FRMD5: variants seen among roughly 807,000 people sequenced by gnomAD.
FRMD5 encodes the protein FERM domain-containing protein 5.
Under a neutral mutation model 69.0 loss-of-function variants are expected in FRMD5, and 20 were observed. The observed-to-expected ratio is 0.29, with a 90% CI of 0.20 to 0.42. The LOEUF (loss-of-function observed/expected upper bound fraction) is 0.42. Among genes scored for constraint, FRMD5 ranks in the 10% least tolerant of loss-of-function variants. The probability of loss-of-function intolerance (pLI) is 1.00; values close to 1 mark genes in which losing one functional copy is unlikely to be tolerated. For missense variants in FRMD5, 595 were observed against 708.6 expected (o/e 0.84, Z 1.82); for synonymous variants, 271 against 260.1 (o/e 1.04, Z -0.40).
intron 1 of FRMD5, among the ~76,000 whole-genome samples, chr15:43,948,359 T>C (rs866273632): frequency 1.3e-5 from 2 of 152,210 alleles, no homozygotes; most frequent in African/African-American, 4.8e-5. Flanking sequence ...TCAGTGTACA[T>C]TTCTGCCACC....
intron 1 of FRMD5, among the ~76,000 whole-genome samples, chr15:44,184,165 G>A (rs2078060410): frequency 6.6e-6 from 1 of 152,050 alleles, no homozygotes. Flanking sequence ...AACTTCGGCT[G>A]TCTAAAGTAA....
rs79305259 is a variant in FRMD5 at position 44,088,398 on chromosome 15, A to T, written c.102+106555T>A. On this transcript the variant is annotated intron_variant, in intron 1 of 13. Coordinates refer to ENST00000417257, the MANE Select transcript of FRMD5 (RefSeq NM_032892.5). The stretch of plus-strand genomic sequence containing the variant: ...ATTCTGAACATTTAATATAAACAGA[A>T]TCATAAATATATGGTAAAAATCCAA... Among the ~76,000 whole-genome samples, 2,371 of 152,242 alleles carry T rather than the reference A, an allele frequency of 0.016. 170 individuals carry two copies. The East Asian group carries it at 0.17, about 11-fold the overall frequency.
intron 1 of FRMD5, among the ~76,000 whole-genome samples, chr15:44,147,654 T>C (rs1238388921): frequency 2.6e-5 from 4 of 152,182 alleles, no homozygotes; most frequent in Non-Finnish European, 5.9e-5. Flanking sequence ...TTTGGTAAGA[T>C]GGCAGAGTAA....
At chr15:43,884,666 C>G in intron 12 of FRMD5, 61 bp downstream of exon 12, 1 of 1,501,222 alleles carries the variant, frequency 6.7e-7, no homozygotes, top group African/African-American at 1.4e-5. Context: ...ACTCAAACTG[C>G]TGGATTGAGA....
At chr15:44,078,751 A>T (rs1049275534) in intron 1 of FRMD5, among the ~76,000 whole-genome samples, 5 of 152,182 alleles carry the variant, frequency 3.3e-5, no homozygotes, top group Admixed American at 3.3e-4. Context: ...ATAAACTTGG[A>T]TCCTTATGTT....
intron 1 of FRMD5, among the ~76,000 whole-genome samples, chr15:44,171,907 C>T (rs933816849): frequency 1.3e-5 from 2 of 151,940 alleles, no homozygotes; most frequent in Admixed American, 6.6e-5. Context: ...GGGCTACAGG[C>T]GTGCGCCACC....
intron 1 of FRMD5, among the ~76,000 whole-genome samples, chr15:44,172,112 G>A (rs1169723025): frequency 6.8e-6 from 1 of 147,882 alleles, no homozygotes; most frequent in African/African-American, 2.5e-5. Context: ...TTTTTTTGAG[G>A]CAGGGCCTTG....
intron 8 of FRMD5, among the ~76,000 whole-genome samples, chr15:43,891,109 G>C (rs988988317): frequency 6.6e-6 from 1 of 152,288 alleles, no homozygotes; most frequent in African/African-American, 2.4e-5. Flanking sequence ...GGCAGTCTGA[G>C]GCCCAGGAAG....
chr15:44,163,193 A>G (rs1030707616), intron 1 of FRMD5, among the ~76,000 whole-genome samples: 3 of 144,006 alleles, frequency 2.1e-5, no homozygotes, highest in South Asian at 2.1e-4. Flanking sequence ...AAACAAAAAA[A>G]CCCCTATGTC....
At chr15:44,087,623 T>C (rs1487352426) in intron 1 of FRMD5, among the ~76,000 whole-genome samples, 1 of 152,080 alleles carries the variant, frequency 6.6e-6, no homozygotes, top group Admixed American at 6.6e-5. Context: ...ATAGAACCCA[T>C]CCCAAAATTG....
intron 1 of FRMD5, among the ~76,000 whole-genome samples, chr15:44,110,806 T>C (rs957205761): frequency 6.6e-6 from 1 of 152,238 alleles, no homozygotes; most frequent in Non-Finnish European, 1.5e-5. Context: ...TCTAAACTTG[T>C]TTCCCCATTT....
chr15:44,033,797 ACT>A (rs985385205), intron 1 of FRMD5, among the ~76,000 whole-genome samples: 1 of 151,952 alleles, frequency 6.6e-6, no homozygotes, highest in Non-Finnish European at 1.5e-5. Context: ...AGTTGTTTGA[ACT>A]CTCTTAGGCT....
chr15:44,059,205 A>C (rs564350888), intron 1 of FRMD5, among the ~76,000 whole-genome samples: 27 of 152,342 alleles, frequency 1.8e-4, no homozygotes, highest in African/African-American at 6.5e-4. Context: ...TATACAAGGT[A>C]TTATCTTAAG....
intron 1 of FRMD5, among the ~76,000 whole-genome samples, chr15:44,165,183 C>T (rs1054713627): frequency 3.1e-4 from 47 of 152,330 alleles, no homozygotes; most frequent in African/African-American, 1.1e-3. Context: ...CTTTGGGAGG[C>T]CAAGGCAGGC....
rs1177311124 is a variant in FRMD5 at position 43,871,759 on chromosome 15, T to G, written c.*2126A>C. On this transcript the variant is annotated 3_prime_UTR_variant, in exon 14 of 14. Transcript: ENST00000417257. ...AGAGAAGCCCTCTTCCCTTCTTAGA[T>G]TCCAGCTGTGTTTTAGCATTCCAGT... 1 of 152,240 alleles carries G rather than the reference T, an allele frequency of 6.6e-6. No individual in the cohort carries two copies. Among genetic ancestry groups the G allele is most frequent in the Non-Finnish European group, 1.5e-5 (1 of 68,046 alleles). The allele number at this position is 152,240 out of a possible 1,614,324, so 9.4% of individuals were successfully genotyped here. A position where few individuals can be genotyped will look rare whatever the true frequency, so the allele number is the denominator to read the frequency against.
intron 1 of FRMD5, among the ~76,000 whole-genome samples, chr15:44,010,835 C>T (rs948655210): frequency 6.6e-6 from 1 of 151,960 alleles, no homozygotes; most frequent in Non-Finnish European, 1.5e-5. Context: ...CAAAAGAGCC[C>T]TAACTGTGGG....
chr15:44,187,124 C>A (rs1303088041), intron 1 of FRMD5, among the ~76,000 whole-genome samples: 1 of 152,152 alleles, frequency 6.6e-6, no homozygotes, highest in Non-Finnish European at 1.5e-5. Context: ...CAATTTGATA[C>A]CCTCTTTTTT....
chr15:44,009,678 GA>G (rs998598600), intron 1 of FRMD5, among the ~76,000 whole-genome samples: 34 of 151,048 alleles, frequency 2.3e-4, no homozygotes, highest in South Asian at 2.1e-4. Flanking sequence ...GACTGTGTTT[GA>G]AAAAAAAATC....
chr15:43,902,574 T>C (rs1038800997), intron 6 of FRMD5, among the ~76,000 whole-genome samples: 1 of 151,644 alleles, frequency 6.6e-6, no homozygotes, highest in Non-Finnish European at 1.5e-5. Flanking sequence ...GGCCCACTAC[T>C]TGGGAGGCTG....
Sources: allele counts gnomAD v4.1 joint callset (sites outside exome capture counted in the v4.1 genomes callset), GRCh38; gene constraint gnomAD v4.1.1; transcripts MANE v1.5; gene names NCBI Gene and HGNC (gene_info 2026-07-23, HGNC 2026-07-21).